The following XRCC4 variants were observed in gnomAD, a reference collection of about 807,000 sequenced individuals.
The protein encoded by XRCC4 is X-ray repair cross complementing 4.
In XRCC4, 28 loss-of-function variants were observed where a neutral mutation model predicts 39.1. The observed-to-expected ratio is 0.72, with a 90% CI of 0.53 to 0.98. The LOEUF is 0.98. Among genes scored for constraint, XRCC4 ranks in the 50% least tolerant of loss-of-function variants. The pLI, the probability that XRCC4 is intolerant of heterozygous loss-of-function variation, is 0.00. For synonymous variants in XRCC4, 123 were observed against 126.4 expected (o/e 0.97, Z 0.18); for missense variants, 350 against 376.4 (o/e 0.93, Z 0.58).
At chr5:83,093,909 C>G (rs1443676996) in intron 1 of XRCC4, among the ~76,000 whole-genome samples, 1 of 151,974 alleles carries the variant, frequency 6.6e-6, no homozygotes, top group Non-Finnish European at 1.5e-5. Flanking sequence ...ACGCCCCATC[C>G]CCCGAGCAGT....
chr5:83,089,539 G>C (rs1193436839), intron 1 of XRCC4, among the ~76,000 whole-genome samples: 1 of 152,146 alleles, frequency 6.6e-6, no homozygotes, highest in Non-Finnish European at 1.5e-5. Context: ...TCTAGGGTTA[G>C]TGTCAGATCC....
At chr5:83,132,295 T>C (rs1747634336) in intron 3 of XRCC4, among the ~76,000 whole-genome samples, 1 of 152,148 alleles carries the variant, frequency 6.6e-6, no homozygotes, top group Non-Finnish European at 1.5e-5. Flanking sequence ...CTGACCTTTC[T>C]ATGTGGCTGC....
At chr5:83,173,123 C>G (rs1236884202) in intron 3 of XRCC4, among the ~76,000 whole-genome samples, 2 of 152,064 alleles carry the variant, frequency 1.3e-5, no homozygotes, top group African/African-American at 4.8e-5. Flanking sequence ...ACATCTTTCT[C>G]TTGCATTACC....
intron 4 of XRCC4, among the ~76,000 whole-genome samples, chr5:83,196,450 T>C (rs1750951127): frequency 6.6e-6 from 1 of 152,058 alleles, no homozygotes; most frequent in Admixed American, 6.5e-5. Context: ...GGATAAGACA[T>C]TTGGAAGCCT....
At chr5:83,251,190 T>G (rs907334894) in intron 6 of XRCC4, among the ~76,000 whole-genome samples, 1 of 152,206 alleles carries the variant, frequency 6.6e-6, no homozygotes, top group African/African-American at 2.4e-5. Context: ...TCTTAAGGTC[T>G]GAAGAACTGA....
At chr5:83,256,373 A>G (rs1018565242) in intron 6 of XRCC4, among the ~76,000 whole-genome samples, 3 of 152,220 alleles carry the variant, frequency 2.0e-5, no homozygotes, top group African/African-American at 7.2e-5. Context: ...ATCATTTGGA[A>G]TTCTGAAATG....
intron 3 of XRCC4, among the ~76,000 whole-genome samples, chr5:83,141,573 T>A (rs188670928): frequency 3.9e-5 from 6 of 152,314 alleles, no homozygotes; most frequent in Non-Finnish European, 7.4e-5. Flanking sequence ...TTTGAACACA[T>A]TTTCATGTCT....
intron 7 of XRCC4, among the ~76,000 whole-genome samples, chr5:83,331,335 T>C (rs765203369): frequency 1.3e-5 from 2 of 152,134 alleles, no homozygotes; most frequent in South Asian, 2.1e-4. Flanking sequence ...TTCAGTGTTA[T>C]AAAACATAGA....
chr5:83,114,537 C>T (rs970936778), intron 3 of XRCC4, among the ~76,000 whole-genome samples: 2 of 152,220 alleles, frequency 1.3e-5, no homozygotes, highest in African/African-American at 4.8e-5. Context: ...TAGTTCCCAA[C>T]AAGTTCCTCA....
In XRCC4 at chr5:83,209,071, G is replaced by A. The variant is rs565439878; in HGVS notation, c.745+4150G>A. Reference sequence around the variant, plus strand: ...TTCCTGCTTAGTCTGGACTCCTCCTGCCTCCAAAGTGAGTGTGTGTGTGTG... The same window carrying A: ...TTCCTGCTTAGTCTGGACTCCTCCTACCTCCAAAGTGAGTGTGTGTGTGTG... On this transcript the variant is annotated intron_variant, in intron 6 of 7. Coordinates refer to ENST00000396027, the MANE Select transcript of XRCC4 (RefSeq NM_003401.5). Among the ~76,000 whole-genome samples the A allele has an allele frequency of 3.7e-4, 52 of 141,978 alleles. 1 individual carries two copies. Among genetic ancestry groups the A allele is most frequent in the African/African-American group, 1.2e-3 (47 of 37,624 alleles). 93.1% of individuals were successfully genotyped at this position (141,978 alleles called of 152,430 possible). A position where few individuals can be genotyped will look rare whatever the true frequency, so the allele number is the denominator to read the frequency against.
the XRCC4 span, among the ~76,000 whole-genome samples, chr5:83,364,213 G>A: frequency 1.3e-5 from 2 of 152,080 alleles, no homozygotes; most frequent in Admixed American, 6.6e-5. Context: ...GGCAGAAATA[G>A]CACTTTTTAA....
At chr5:83,134,346 T>C (rs1747772916) in intron 3 of XRCC4, among the ~76,000 whole-genome samples, 1 of 152,036 alleles carries the variant, frequency 6.6e-6, no homozygotes, top group African/African-American at 2.4e-5. Context: ...GTCAGCACTC[T>C]GTGTCTAGCT....
chr5:83,107,744 A>G (rs191263046), intron 2 of XRCC4, among the ~76,000 whole-genome samples: 121 of 152,096 alleles, frequency 8.0e-4, no homozygotes, highest in Non-Finnish European at 8.7e-4. Flanking sequence ...AACTTTACTA[A>G]TTGTTCTATT....
chr5:83,340,151 T>A (rs1258470303), intron 7 of XRCC4, among the ~76,000 whole-genome samples: 1 of 152,226 alleles, frequency 6.6e-6, no homozygotes, highest in Non-Finnish European at 1.5e-5. Context: ...TTCTTTTAAC[T>A]CTGGACCTTA....
intron 3 of XRCC4, among the ~76,000 whole-genome samples, chr5:83,147,469 A>G (rs192887189): frequency 1.6e-3 from 241 of 152,316 alleles, no homozygotes; most frequent in South Asian, 6.6e-3. Context: ...GACAAATACT[A>G]TATGATTTCA....
intron 7 of XRCC4, among the ~76,000 whole-genome samples, chr5:83,309,633 G>A (rs1049493022): frequency 2.0e-5 from 3 of 151,440 alleles, no homozygotes; most frequent in Non-Finnish European, 4.4e-5. Flanking sequence ...ATGTGGTGGC[G>A]GGCGCCTGTA....
intron 3 of XRCC4, among the ~76,000 whole-genome samples, chr5:83,121,127 C>A (rs921998986): frequency 6.6e-6 from 1 of 152,064 alleles, no homozygotes; most frequent in Non-Finnish European, 1.5e-5. Flanking sequence ...ATAATTTATT[C>A]TTTTTTTCCT....
intron 6 of XRCC4, among the ~76,000 whole-genome samples, chr5:83,216,420 A>G (rs911775909): frequency 6.6e-6 from 1 of 152,210 alleles, no homozygotes; most frequent in Non-Finnish European, 1.5e-5. Context: ...CTCAAAAAGT[A>G]AAATACATAC....
chr5:83,255,043 C>G (rs182523098), intron 6 of XRCC4, among the ~76,000 whole-genome samples: 1 of 150,864 alleles, frequency 6.6e-6, no homozygotes, highest in African/African-American at 2.5e-5. Context: ...GCCGAGATCA[C>G]GCCATTGCGC....
Sources: allele counts gnomAD v4.1 joint callset (sites outside exome capture counted in the v4.1 genomes callset), GRCh38; gene constraint gnomAD v4.1.1; transcripts MANE v1.5; gene names NCBI Gene and HGNC (gene_info 2026-07-23, HGNC 2026-07-21).